The following PCOLCE2 variants were observed in gnomAD, a reference collection of about 807,000 sequenced individuals.
The protein encoded by PCOLCE2 is procollagen C-proteinase enhancer 2.
Under a neutral mutation model 47.0 loss-of-function variants are expected in PCOLCE2, and 42 were observed. The observed-to-expected ratio is 0.89, with a 90% CI of 0.70 to 1.16. The LOEUF (loss-of-function observed/expected upper bound fraction) is 1.16. PCOLCE2 is among the 50% of genes most tolerant of loss of function. PCOLCE2 has a pLI of 0.00. For missense variants in PCOLCE2, 500 were observed against 526.1 expected, an observed-to-expected ratio of 0.95 and a Z score of 0.49; for synonymous variants, 169 against 191.7, an observed-to-expected ratio of 0.88 and a Z score of 0.98.
At chr3:142,881,144 C>T (rs550382147) in intron 2 of PCOLCE2, among the ~76,000 whole-genome samples, 1 of 152,280 alleles carries the variant, frequency 6.6e-6, no homozygotes, top group East Asian at 1.9e-4. Context: ...GCAATGCCTA[C>T]TACACAGGAA....
intron 2 of PCOLCE2, among the ~76,000 whole-genome samples, chr3:142,874,206 GT>G (rs1398194028): frequency 2.0e-5 from 3 of 152,214 alleles, no homozygotes; most frequent in Non-Finnish European, 2.9e-5. Flanking sequence ...CTCTTGAGTA[GT>G]TGGGACTACA....
intron 3 of PCOLCE2, chr3:142,846,509 T>C (rs1937330008): frequency 6.6e-6 from 1 of 152,234 alleles, no homozygotes; most frequent in Admixed American, 6.5e-5. Flanking sequence ...CCCTCTTGAC[T>C]CTGTGAGTTG....
chr3:142,839,502 G>A (rs995396720), intron 4 of PCOLCE2, among the ~76,000 whole-genome samples: 22 of 151,948 alleles, frequency 1.4e-4, no homozygotes, highest in Non-Finnish European at 2.5e-4. Context: ...TAGTACAGAC[G>A]GGATTTCACC....
At chr3:142,880,594 G>A (rs181191346) in intron 2 of PCOLCE2, among the ~76,000 whole-genome samples, 64 of 152,074 alleles carry the variant, frequency 4.2e-4, no homozygotes, top group Admixed American at 1.4e-3. Context: ...AAAAGTTATC[G>A]GGAAGACATA....
rs1166798111 is a variant in PCOLCE2, at chr3:142,821,027, A to T, written c.968T>A (p.Ile323Asn). The T allele has an allele frequency of 1.9e-6, 3 of 1,610,806 alleles. No homozygotes were observed. Among genetic ancestry groups the T allele is most frequent in the Non-Finnish European group, 2.5e-6 (3 of 1,177,248 alleles). ...SSDFVLAGTV[I>N]TTITRDGSLH... ...ACTCCCATCGCGAGTGATGGTTGTG[A>T]TAACAGTGCCGGCTAATACTGCAGA... The change falls in exon 8 of 9, where the codon ATC becomes AAC. Residue 323 changes from isoleucine to asparagine, a missense_variant. Physicochemically the swap from Ile to Asn is moderately radical, Grantham distance 149. Coordinates refer to ENST00000295992, the MANE Select transcript of PCOLCE2 (RefSeq NM_013363.4).
chr3:142,827,748 T>A (rs1162531791), intron 6 of PCOLCE2: 1 of 739,776 alleles, frequency 1.4e-6, no homozygotes, highest in East Asian at 2.6e-5. Context: ...TAAATTTAAA[T>A]CTGGCTTAAA....
intron 2 of PCOLCE2, among the ~76,000 whole-genome samples, chr3:142,883,314 A>G (rs1430501445): frequency 6.6e-6 from 1 of 152,098 alleles, no homozygotes; most frequent in East Asian, 1.9e-4. Flanking sequence ...TGCAGTTACT[A>G]TAAACAAAGC....
chr3:142,818,897 C>T (rs71304148), intron 8 of PCOLCE2, among the ~76,000 whole-genome samples: 4,884 of 152,334 alleles, frequency 0.032, 93 homozygotes, highest in East Asian at 0.055. Flanking sequence ...TTTCAAATGC[C>T]TGCTATGAAG....
intron 2 of PCOLCE2, among the ~76,000 whole-genome samples, chr3:142,858,314 C>A (rs1933110130): frequency 1.3e-5 from 2 of 152,204 alleles, no homozygotes; most frequent in South Asian, 2.1e-4. Context: ...ATGCACCTGG[C>A]AGCCAGGCAT....
chr3:142,848,691 C>T (rs1297807885), intron 2 of PCOLCE2, among the ~76,000 whole-genome samples: 1 of 152,124 alleles, frequency 6.6e-6, no homozygotes, highest in Non-Finnish European at 1.5e-5. Flanking sequence ...CTCCAGGATT[C>T]ACAATCTTAT....
In PCOLCE2 at chr3:142,838,842, A is replaced by G; in HGVS notation, c.638T>C (p.Val213Ala). 2 of 1,612,616 alleles carry G rather than the reference A, an allele frequency of 1.2e-6. No individual in the cohort carries two copies. Among genetic ancestry groups the G allele is most frequent in the Non-Finnish European group, 1.7e-6 (2 of 1,178,606 alleles). ...ERDNYCRYDY[V>A]AVFNGGEVND... ...GACTTCCCCGCCATTAAACACAGCC[A>G]CATAATCATATCGGCAGTAGTTATC... The change falls in exon 5 of 9, where the codon GTG becomes GCG. Residue 213 changes from valine (V) to alanine (A), a missense_variant. Physicochemically the swap from Val to Ala is moderately conservative, Grantham distance 64 (BLOSUM62 0). Coordinates refer to ENST00000295992, the MANE Select transcript of PCOLCE2 (RefSeq NM_013363.4).
rs138409602 is a variant in PCOLCE2 at position 142,838,854 on chromosome 3, C to A, written c.626G>T (p.Arg209Leu). The A allele has an allele frequency of 1.2e-6, 2 of 1,612,124 alleles. No homozygotes were observed. Among genetic ancestry groups the A allele is most frequent in the East Asian group, 2.2e-5 (1 of 44,870 alleles). ...KFDVERDNYC[R>L]YDYVAVFNGG... ...ATTAAACACAGCCACATAATCATAT[C>A]GGCAGTAGTTATCTCGCTCCACATC... Residue 209 changes from arginine (R) to leucine (L), a missense_variant, in exon 5 of 9, where the codon CGA becomes CTA. Coordinates refer to ENST00000295992, the MANE Select transcript of PCOLCE2 (RefSeq NM_013363.4).
rs1400720167 is a variant in PCOLCE2 at position 142,850,842 on chromosome 3, T to G, written c.193-2370A>C. 2.6e-5 allele frequency among the ~76,000 whole-genome samples: 4 copies of G among 152,212 alleles called. No individual in the cohort carries two copies. In the East Asian group the frequency reaches 7.7e-4, roughly 29 times the overall value. On this transcript the variant is annotated intron_variant, in intron 2 of 8. Transcript: ENST00000295992. Reference sequence around the variant, plus strand: ...GGGGATATGGGGTCTAAGCAGAGTTTTTGCAATGGGTGTTTCCTAAGGCAT... The same window carrying G: ...GGGGATATGGGGTCTAAGCAGAGTTGTTGCAATGGGTGTTTCCTAAGGCAT...
chr3:142,871,635 C>T (rs1933387751), intron 2 of PCOLCE2, among the ~76,000 whole-genome samples: 1 of 152,134 alleles, frequency 6.6e-6, no homozygotes, highest in Non-Finnish European at 1.5e-5. Flanking sequence ...ACTGAGGTTT[C>T]CCTGAGGAAG....
chr3:142,866,962 T>C (rs2108206189), intron 2 of PCOLCE2, among the ~76,000 whole-genome samples: 1 of 152,308 alleles, frequency 6.6e-6, no homozygotes, highest in South Asian at 2.1e-4. Flanking sequence ...GGTAACATTG[T>C]GGCCAGACAG....
intron 2 of PCOLCE2, among the ~76,000 whole-genome samples, chr3:142,878,494 G>A (rs1021969334): frequency 4.6e-5 from 7 of 152,082 alleles, no homozygotes; most frequent in African/African-American, 9.7e-5. Context: ...TACAGTTTTC[G>A]TAAGATTGAA....
chr3:142,845,673 C>G (rs530691856), intron 3 of PCOLCE2, among the ~76,000 whole-genome samples: 1 of 152,250 alleles, frequency 6.6e-6, no homozygotes, highest in Non-Finnish European at 1.5e-5. Context: ...TATTCCAGCG[C>G]TTTAAAAATA....
intron 2 of PCOLCE2, among the ~76,000 whole-genome samples, chr3:142,850,520 C>G (rs1383397271): frequency 1.3e-5 from 2 of 152,060 alleles, no homozygotes; most frequent in Non-Finnish European, 2.9e-5. Context: ...AAGTAGGAGG[C>G]AACCAAAGTG....
intron 2 of PCOLCE2, among the ~76,000 whole-genome samples, chr3:142,866,943 G>A (rs1415731234): frequency 5.3e-5 from 8 of 152,206 alleles, no homozygotes; most frequent in African/African-American, 1.2e-4. Context: ...CTTTGTTGCC[G>A]CGTGTGCAGG....
Sources: allele counts gnomAD v4.1 joint callset (sites outside exome capture counted in the v4.1 genomes callset), GRCh38; gene constraint gnomAD v4.1.1; transcripts MANE v1.5; gene names NCBI Gene and HGNC (gene_info 2026-07-23, HGNC 2026-07-21).